FBXW4: variants seen among roughly 807,000 people sequenced by gnomAD.
FBXW4 encodes the protein F-box and WD repeat domain containing 4, also known as F-box/WD repeat-containing protein 4.
In FBXW4, 40 loss-of-function variants were observed where a neutral mutation model predicts 61.8. That is an observed-to-expected ratio of 0.65 (90% confidence interval 0.50 to 0.84). The LOEUF is 0.84. Ranked by LOEUF, FBXW4 falls within the 40% of genes least tolerant of loss-of-function variation. The probability of loss-of-function intolerance (pLI) is 0.00; values close to 1 mark genes in which losing one functional copy is unlikely to be tolerated. For missense variants in FBXW4, 672 were observed against 753.8 expected (o/e 0.89, Z 1.27); for synonymous variants, 311 against 313.8 (o/e 0.99, Z 0.10).
chr10:101,675,160 G>A (rs897293952), intron 2 of FBXW4, among the ~76,000 whole-genome samples: 1 of 152,228 alleles, frequency 6.6e-6, no homozygotes, highest in Non-Finnish European at 1.5e-5. Context: ...TTACAAGTGT[G>A]TGCATATATT....
In FBXW4 at chr10:101,676,379, C is replaced by A; in HGVS notation, c.783G>T (p.Gly261=). Residue 261 remains glycine, a synonymous_variant, in exon 2 of 9, where the codon GGG becomes GGT. Coordinates refer to ENST00000331272, the MANE Select transcript of FBXW4 (RefSeq NM_022039.4). ...TCAGCAGAATCCCCTCTCGGCAGCG[C>A]CCCAGTCTCCAGTTCTGAGACACCT... is the stretch of plus-strand genomic sequence containing the variant. ...RVKVSQNWRL[G]RCREGILLKW... is the part of the protein sequence containing the mutation. 7 of 1,613,762 alleles carry A rather than the reference C, an allele frequency of 4.3e-6. No homozygotes were observed. The highest frequency in any genetic ancestry group is 5.1e-6 in the Non-Finnish European group (6 of 1,179,920).
At chr10:101,662,548 T>A (rs1000221409) in intron 5 of FBXW4, among the ~76,000 whole-genome samples, 5 of 152,200 alleles carry the variant, frequency 3.3e-5, no homozygotes, top group African/African-American at 1.2e-4. Context: ...CACTCATATA[T>A]TTCCCTAATG....
chr10:101,648,895 C>T (rs2064123094), intron 5 of FBXW4, among the ~76,000 whole-genome samples: 1 of 152,216 alleles, frequency 6.6e-6, no homozygotes, highest in African/African-American at 2.4e-5. Flanking sequence ...GCTTTTCCCA[C>T]CTCCTTTTTA....
At chr10:101,647,200 A>G (rs895879462) in intron 5 of FBXW4, among the ~76,000 whole-genome samples, 5 of 152,176 alleles carry the variant, frequency 3.3e-5, no homozygotes, top group African/African-American at 9.7e-5. Context: ...GGAGATTCCA[A>G]TGGTGACCTT....
intron 1 of FBXW4, among the ~76,000 whole-genome samples, chr10:101,690,084 T>C (rs1181035242): frequency 1.3e-5 from 2 of 152,254 alleles, no homozygotes; most frequent in Non-Finnish European, 2.9e-5. Flanking sequence ...TTCTTTAACA[T>C]AAGACTGGCA....
intron 5 of FBXW4, among the ~76,000 whole-genome samples, chr10:101,653,984 G>C (rs963869188): frequency 2.0e-5 from 3 of 152,012 alleles, no homozygotes; most frequent in African/African-American, 7.3e-5. Flanking sequence ...AGCCAGGTGT[G>C]GTGGCATGCA....
chr10:101,673,187 G>T, intron 3 of FBXW4, 140 bp from the exon 4 acceptor site: 1 of 1,039,574 alleles, frequency 9.6e-7, no homozygotes, highest in Non-Finnish European at 1.4e-6. Flanking sequence ...GTAAGGTGCT[G>T]ACTTTCTAGA....
chr10:101,653,182 CTACA>C (rs2064158301), intron 5 of FBXW4, among the ~76,000 whole-genome samples: 1 of 152,166 alleles, frequency 6.6e-6, no homozygotes, highest in Non-Finnish European at 1.5e-5. Context: ...TGATTTTTTC[CTACA>C]TAGTTTTCCT....
chr10:101,658,713 A>G (rs2064214830), intron 5 of FBXW4, among the ~76,000 whole-genome samples: 1 of 152,060 alleles, frequency 6.6e-6, no homozygotes, highest in Admixed American at 6.5e-5. Flanking sequence ...ATAAAAACAT[A>G]CATTCTGTTA....
chr10:101,677,807 G>T (rs1230585590), intron 1 of FBXW4, among the ~76,000 whole-genome samples: 1 of 146,452 alleles, frequency 6.8e-6, no homozygotes, highest in Admixed American at 6.8e-5. Context: ...AAAGAGAAAA[G>T]AAATACATCA....
chr10:101,658,572 A>G (rs2064213295), intron 5 of FBXW4, among the ~76,000 whole-genome samples: 1 of 152,136 alleles, frequency 6.6e-6, no homozygotes. Context: ...GTTTGAAATG[A>G]AAAAGAAAAT....
At chr10:101,665,697 A>G (rs1251360096) in intron 5 of FBXW4, among the ~76,000 whole-genome samples, 10 of 152,178 alleles carry the variant, frequency 6.6e-5, no homozygotes, top group Non-Finnish European at 1.0e-4. Context: ...AGTTTACTGT[A>G]ATCTTAAATG....
At chr10:101,627,793 T>C (rs1370916886) in intron 5 of FBXW4, among the ~76,000 whole-genome samples, 1 of 152,174 alleles carries the variant, frequency 6.6e-6, no homozygotes, top group Non-Finnish European at 1.5e-5. Flanking sequence ...CTTCCATGAA[T>C]GGACTTAAAA....
intron 6 of FBXW4, among the ~76,000 whole-genome samples, chr10:101,618,826 CAG>C (rs2063845446): frequency 6.6e-6 from 1 of 152,140 alleles, no homozygotes. Flanking sequence ...CACAGGCTAT[CAG>C]GGGCCCAGCT....
At chr10:101,680,922 TGGA>T (rs1235845114) in intron 1 of FBXW4, among the ~76,000 whole-genome samples, 6 of 152,184 alleles carry the variant, frequency 3.9e-5, no homozygotes, top group South Asian at 2.1e-4. Flanking sequence ...GGTCTGTCTG[TGGA>T]GGAGAATAGT....
intron 1 of FBXW4, among the ~76,000 whole-genome samples, chr10:101,686,544 C>G (rs763788238): frequency 6.6e-6 from 1 of 151,100 alleles, no homozygotes; most frequent in East Asian, 1.9e-4. Context: ...GAATTAGGCA[C>G]TAGCAGACTA....
intron 5 of FBXW4, among the ~76,000 whole-genome samples, chr10:101,629,415 C>T (rs2063933269): frequency 6.6e-6 from 1 of 152,054 alleles, no homozygotes; most frequent in Non-Finnish European, 1.5e-5. Flanking sequence ...CCCCCAGTAG[C>T]TGAGTTAACA....
intron 5 of FBXW4, among the ~76,000 whole-genome samples, chr10:101,643,034 G>A (rs1194404061): frequency 6.6e-6 from 1 of 152,064 alleles, no homozygotes; most frequent in African/African-American, 2.4e-5. Context: ...TTTCCAACTT[G>A]TGCTACTCCT....
intron 5 of FBXW4, among the ~76,000 whole-genome samples, chr10:101,635,432 G>A (rs1053947581): frequency 1.4e-5 from 2 of 145,940 alleles, no homozygotes; most frequent in African/African-American, 5.1e-5. Flanking sequence ...TCCCACCCCC[G>A]AGGCTATGGA....
Sources: allele counts gnomAD v4.1 joint callset (sites outside exome capture counted in the v4.1 genomes callset), GRCh38; gene constraint gnomAD v4.1.1; transcripts MANE v1.5; gene names NCBI Gene and HGNC (gene_info 2026-07-23, HGNC 2026-07-21).